UBE4B: variants seen among roughly 807,000 people sequenced by gnomAD.
The protein encoded by UBE4B is ubiquitination factor E4B.
Under a neutral mutation model 148.1 loss-of-function variants are expected in UBE4B, and 27 were observed. The observed-to-expected ratio is 0.18, with a 90% CI of 0.13 to 0.25. UBE4B has a LOEUF of 0.25. Among genes scored for constraint, UBE4B ranks in the 10% least tolerant of loss-of-function variants. UBE4B has a pLI of 1.00. For synonymous variants in UBE4B, 596 were observed against 619.3 expected (o/e 0.96, Z 0.56); for missense variants, 1,170 against 1,662.4 (o/e 0.70, Z 5.15).
chr1:10,143,133 G>A (rs1413998651), intron 17 of UBE4B, among the ~76,000 whole-genome samples: 1 of 152,024 alleles, frequency 6.6e-6, no homozygotes, highest in African/African-American at 2.4e-5. Context: ...GGCTGGGCAC[G>A]TGTCTGACAC....
intron 7 of UBE4B, among the ~76,000 whole-genome samples, chr1:10,114,736 CG>C (rs1219843558): frequency 6.6e-6 from 1 of 151,928 alleles, no homozygotes; most frequent in African/African-American, 2.4e-5. Context: ...TGGTGGCGAG[CG>C]CCTGTAGTCC....
intron 22 of UBE4B, among the ~76,000 whole-genome samples, chr1:10,160,380 TC>T (rs780802417): frequency 6.6e-6 from 1 of 152,210 alleles, no homozygotes; most frequent in Non-Finnish European, 1.5e-5. Flanking sequence ...TATGCGTTTT[TC>T]CTGTTCTAGT....
chr1:10,128,767 G>A (rs144268120), intron 11 of UBE4B: 1 of 152,398 alleles, frequency 6.6e-6, no homozygotes, highest in African/African-American at 2.4e-5. Context: ...GAAATTAACT[G>A]TTGAAAATAA....
chr1:10,126,163 G>T (rs1326270114), intron 10 of UBE4B, among the ~76,000 whole-genome samples: 1 of 152,182 alleles, frequency 6.6e-6, no homozygotes, highest in East Asian at 1.9e-4. Context: ...GCCAGGTGTG[G>T]TGGCACATGC....
intron 1 of UBE4B, chr1:10,058,549 G>A (rs1041500894): frequency 6.5e-6 from 1 of 153,048 alleles, no homozygotes; most frequent in Admixed American, 6.6e-5. Flanking sequence ...GGCACTAGAA[G>A]CTGGGCATGG....
At chr1:10,142,314 G>A (rs546283433) in intron 17 of UBE4B, among the ~76,000 whole-genome samples, 88 of 152,208 alleles carry the variant, frequency 5.8e-4, no homozygotes, top group Non-Finnish European at 1.1e-3. Flanking sequence ...TCCTATGACT[G>A]CAACAACAAA....
intron 2 of UBE4B, among the ~76,000 whole-genome samples, chr1:10,079,993 A>G (rs1394535425): frequency 5.3e-5 from 8 of 152,128 alleles, no homozygotes; most frequent in Non-Finnish European, 7.3e-5. Context: ...GCATGAGGGC[A>G]TGAACTTGTG....
intron 2 of UBE4B, among the ~76,000 whole-genome samples, chr1:10,079,217 C>T (rs1478994635): frequency 6.6e-6 from 1 of 152,142 alleles, no homozygotes; most frequent in Non-Finnish European, 1.5e-5. Context: ...CGCTCTGTCG[C>T]CCAGGCTGGA....
At chr1:10,131,803 A>T (rs2101944403) in intron 14 of UBE4B, among the ~76,000 whole-genome samples, 1 of 152,218 alleles carries the variant, frequency 6.6e-6, no homozygotes, top group East Asian at 1.9e-4. Context: ...TACAAAAAAA[A>T]TTAGCTGGGC....
At chr1:10,077,847 A>C (rs912581523) in intron 2 of UBE4B, among the ~76,000 whole-genome samples, 5 of 152,222 alleles carry the variant, frequency 3.3e-5, no homozygotes, top group East Asian at 1.9e-4. Context: ...TATGGAACCA[A>C]GTCCACAGGT....
intron 1 of UBE4B, chr1:10,059,222 C>A (rs1362799628): frequency 6.7e-6 from 1 of 150,198 alleles, no homozygotes; most frequent in Non-Finnish European, 1.5e-5. Flanking sequence ...CAGAGCGAGA[C>A]TCCGTCTTAA....
intron 2 of UBE4B, among the ~76,000 whole-genome samples, chr1:10,081,282 AC>A (rs901951314): frequency 9.9e-5 from 15 of 150,920 alleles, no homozygotes; most frequent in African/African-American, 2.4e-4. Context: ...CTGGTCTCCA[AC>A]TCCCGATGTC....
chr1:10,077,080 A>G (rs1250380301), intron 2 of UBE4B, among the ~76,000 whole-genome samples: 3 of 151,970 alleles, frequency 2.0e-5, no homozygotes, highest in Non-Finnish European at 1.5e-5. Flanking sequence ...CTGCTTCTGT[A>G]GTTTCCTAGG....
intron 20 of UBE4B, among the ~76,000 whole-genome samples, chr1:10,150,171 A>C (rs1250451789): frequency 6.6e-6 from 1 of 152,154 alleles, no homozygotes; most frequent in African/African-American, 2.4e-5. Flanking sequence ...CAGAGGTTGC[A>C]ATGAGCAGAG....
chr1:10,173,181 T>C (rs1295450423), intron 25 of UBE4B, among the ~76,000 whole-genome samples: 1 of 152,068 alleles, frequency 6.6e-6, no homozygotes, highest in African/African-American at 2.4e-5. Flanking sequence ...TTGTAGATGT[T>C]AAAATATATA....
chr1:10,123,646 A>G (rs1295757938), intron 10 of UBE4B, among the ~76,000 whole-genome samples: 1 of 152,164 alleles, frequency 6.6e-6, no homozygotes, highest in Non-Finnish European at 1.5e-5. Context: ...ACAAGAGGTT[A>G]TGAAATGACC....
chr1:10,105,629 A>G lies in UBE4B; in HGVS notation c.694A>G (p.Ile232Val). The G allele has an allele frequency of 1.9e-6, 3 of 1,614,200 alleles. No individual in the cohort carries two copies. The highest frequency in any genetic ancestry group is 2.5e-6 in the Non-Finnish European group (3 of 1,180,046). The part of the protein sequence containing the change: ...FASLTATSQP[I>V]AAAARSPDRN... The stretch of plus-strand genomic sequence containing the variant: ...CAGTCTGACAGCCACATCACAGCCA[A>G]TTGCTGCAGCAGCACGGTCACCAGA... The change falls in exon 6 of 28, where the codon ATT becomes GTT. Residue 232 changes from isoleucine to valine, a missense_variant. Transcript: ENST00000343090.
chr1:10,112,368 T>G (rs1645235562), intron 7 of UBE4B, among the ~76,000 whole-genome samples: 1 of 152,234 alleles, frequency 6.6e-6, no homozygotes, highest in African/African-American at 2.4e-5. Flanking sequence ...TATTAAATAC[T>G]ACTTTAAATA....
chr1:10,095,626 C>A (rs1263958006), intron 3 of UBE4B, 30 bp downstream of exon 3: 4 of 1,613,266 alleles, frequency 2.5e-6, no homozygotes, highest in Non-Finnish European at 3.4e-6. Context: ...CTAATATGCT[C>A]TTTTATTTAG....
Sources: allele counts gnomAD v4.1 joint callset (sites outside exome capture counted in the v4.1 genomes callset), GRCh38; gene constraint gnomAD v4.1.1; transcripts MANE v1.5; gene names NCBI Gene and HGNC (gene_info 2026-07-23, HGNC 2026-07-21).